CACNA1B: variants seen among roughly 807,000 people sequenced by gnomAD.
The protein encoded by CACNA1B is voltage-dependent N-type calcium channel subunit alpha-1B.
A neutral mutation model predicts 247.2 loss-of-function variants in CACNA1B; 70 were observed. The observed-to-expected ratio is 0.28, with a 90% confidence interval of 0.23 to 0.35. The LOEUF (loss-of-function observed/expected upper bound fraction) is 0.35. CACNA1B is among the 10% of genes least tolerant of loss of function. The pLI, the probability that CACNA1B is intolerant of heterozygous loss-of-function variation, is 1.00. For missense variants in CACNA1B, 2,367 were observed against 3,197.4 expected (o/e 0.74, Z 6.26); for synonymous variants, 1,231 against 1,294.4 (o/e 0.95, Z 1.05).
intron 18 of CACNA1B, among the ~76,000 whole-genome samples, chr9:138,016,162 TCACACACAGTCTCA>T (rs1277735863): frequency 6.6e-6 from 1 of 151,948 alleles, no homozygotes; most frequent in South Asian, 2.1e-4. Context: ...TCTCACACAT[TCACACACAGTCTCA>T]CACACACAGT....
At chr9:137,904,909 A>G (rs1957280937) in intron 3 of CACNA1B, among the ~76,000 whole-genome samples, 1 of 152,202 alleles carries the variant, frequency 6.6e-6, no homozygotes, top group African/African-American at 2.4e-5. Context: ...TTATTTTGTT[A>G]TCTGACTTGA....
At chr9:138,048,030 G>C (rs1959197946) in intron 23 of CACNA1B, among the ~76,000 whole-genome samples, 1 of 152,182 alleles carries the variant, frequency 6.6e-6, no homozygotes, top group Non-Finnish European at 1.5e-5. Flanking sequence ...GCACACACCT[G>C]CACGTCCATG....
rs986077063 is a variant in CACNA1B at position 138,012,504 on chromosome 9, G to A, written c.2161-625G>A. ...AACACCTGTACTCCCAGCACTTTGG[G>A]AGGCCGAGGTGGGAGGATCACTTGA... On this transcript the variant is annotated intron_variant, in intron 17 of 46. Coordinates refer to ENST00000371372, the MANE Select transcript of CACNA1B (RefSeq NM_000718.4). The surrounding 1 kb of genome is among the most constrained non-coding windows in gnomAD (Gnocchi z 4.2). Among the ~76,000 whole-genome samples the A allele has an allele frequency of 3.3e-5, 5 of 152,068 alleles. No individual in the cohort carries two copies. Among genetic ancestry groups the A allele is most frequent in the Non-Finnish European group, 7.4e-5 (5 of 68,020 alleles).
intron 3 of CACNA1B, among the ~76,000 whole-genome samples, chr9:137,896,440 A>T (rs897235917): frequency 4.6e-5 from 7 of 152,012 alleles, no homozygotes; most frequent in Non-Finnish European, 1.0e-4. Flanking sequence ...ACAGTGGTTG[A>T]TTTTTTGAGT....
At chr9:137,996,594 C>G (rs1309039614) in intron 15 of CACNA1B, among the ~76,000 whole-genome samples, 1 of 152,162 alleles carries the variant, frequency 6.6e-6, no homozygotes, top group Non-Finnish European at 1.5e-5. Flanking sequence ...CAGAGATAAT[C>G]ACTAAAGAAC....
intron 41 of CACNA1B, 62 bp from the exon 42 acceptor site, chr9:138,115,490 G>A: frequency 6.4e-7 from 1 of 1,567,330 alleles, no homozygotes; most frequent in South Asian, 1.2e-5. Context: ...GTCAGAGCAG[G>A]TCACAGAGGC....
At chr9:138,098,845 A>T (rs997144911) in intron 37 of CACNA1B, among the ~76,000 whole-genome samples, 1 of 152,220 alleles carries the variant, frequency 6.6e-6, no homozygotes, top group Non-Finnish European at 1.5e-5. Flanking sequence ...TGTGAGCAAC[A>T]CATGATTCTG....
At chr9:137,935,518 G>A (rs994625178) in intron 6 of CACNA1B, among the ~76,000 whole-genome samples, 2 of 152,162 alleles carry the variant, frequency 1.3e-5, no homozygotes, top group African/African-American at 4.8e-5. Flanking sequence ...GGACATTTGG[G>A]TTAGTTCTTA....
intron 42 of CACNA1B, among the ~76,000 whole-genome samples, chr9:138,117,473 C>T (rs1446146646): frequency 6.6e-6 from 1 of 152,194 alleles, no homozygotes; most frequent in Non-Finnish European, 1.5e-5. Context: ...CTCTTGCTGT[C>T]TGCTGGCATA....
At chr9:138,112,570 G>A (rs1961678844) in intron 40 of CACNA1B, 65 bp downstream of exon 40, 4 of 1,095,880 alleles carry the variant, frequency 3.7e-6, no homozygotes, top group Non-Finnish European at 4.2e-6. Flanking sequence ...AGTGGCTGGA[G>A]GGCTGTGGAG....
intron 31 of CACNA1B, among the ~76,000 whole-genome samples, chr9:138,060,404 C>T (rs969289236): frequency 3.3e-5 from 5 of 152,284 alleles, no homozygotes; most frequent in African/African-American, 1.2e-4. Context: ...TAGAAACCAG[C>T]AGAGGGGCAT....
chr9:137,962,187 C>A (rs1305329784), intron 10 of CACNA1B, among the ~76,000 whole-genome samples: 1 of 152,012 alleles, frequency 6.6e-6, no homozygotes, highest in Non-Finnish European at 1.5e-5. Flanking sequence ...ATAGTATTCT[C>A]TGATGGTTGT....
rs376900919 is a variant in CACNA1B, at chr9:138,050,629, G to T, written c.3710+1314G>T. On this transcript the variant is annotated intron_variant, in intron 24 of 46. Transcript: ENST00000371372. This position sits in a 1 kb window ranked among gnomAD's most constrained non-coding sequence, Gnocchi z 5.2. ...TCCCCCAGTCAGGAGGAGGGGAAGG[G>T]GTTGGGCCCATCCAGGCGGCTTCAG... Among the ~76,000 whole-genome samples the T allele has an allele frequency of 2.6e-5, 4 of 152,230 alleles. No individual in the cohort carries two copies. The East Asian group carries it at 5.8e-4, about 22-fold the overall frequency.
chr9:138,003,128 T>C (rs540425198), intron 15 of CACNA1B, among the ~76,000 whole-genome samples: 1 of 150,558 alleles, frequency 6.6e-6, no homozygotes, highest in African/African-American at 2.4e-5. Context: ...GATGGGGTCT[T>C]GCGATTGTGC....
intron 23 of CACNA1B, among the ~76,000 whole-genome samples, 156 bp from the exon 24 acceptor site, chr9:138,049,053 C>T (rs1243331823): frequency 6.6e-6 from 1 of 152,152 alleles, no homozygotes; most frequent in Non-Finnish European, 1.5e-5. Context: ...CAGGATTTCA[C>T]CATGTTGCCC....
At chr9:137,999,242 AAAAAT>A (rs1284122134) in intron 15 of CACNA1B, among the ~76,000 whole-genome samples, 1 of 133,852 alleles carries the variant, frequency 7.5e-6, no homozygotes, top group East Asian at 3.3e-4. Context: ...AAAAAAAATA[AAAAAT>A]AAAAAATGAA....
At chr9:138,005,839 G>C (rs1589062510) in intron 15 of CACNA1B, among the ~76,000 whole-genome samples, 2 of 152,038 alleles carry the variant, frequency 1.3e-5, no homozygotes, top group Admixed American at 6.5e-5. Context: ...GTCAGGAGAT[G>C]GAGACCATCC....
At chr9:138,074,580 A>T (rs1335632574) in intron 34 of CACNA1B, among the ~76,000 whole-genome samples, 2 of 152,184 alleles carry the variant, frequency 1.3e-5, no homozygotes, top group African/African-American at 2.4e-5. Context: ...TTTGCGGAGG[A>T]GGACATGGAG....
At chr9:137,906,177 G>T (rs980271802) in intron 3 of CACNA1B, among the ~76,000 whole-genome samples, 2 of 152,170 alleles carry the variant, frequency 1.3e-5, no homozygotes, top group African/African-American at 4.8e-5. Flanking sequence ...CGTCAAAAAA[G>T]AAGAGATGTT....
Sources: allele counts gnomAD v4.1 joint callset (sites outside exome capture counted in the v4.1 genomes callset), GRCh38; gene constraint gnomAD v4.1.1; non-coding constraint Gnocchi (gnomAD v3.1); transcripts MANE v1.5; gene names NCBI Gene and HGNC (gene_info 2026-07-23, HGNC 2026-07-21).